Variants in SLC60A1 observed in about 807,000 individuals in gnomAD.
The protein encoded by SLC60A1 is major facilitator superfamily domain containing 4.
At chr1:205,584,975 T>G in the SLC60A1 span, 1 of 1,613,814 alleles carries the variant, frequency 6.2e-7, no homozygotes, top group Non-Finnish European at 8.5e-7. Context: ...GTACTGTTCA[T>G]GACGGATGGG....
At chr1:205,583,357 C>T in the SLC60A1 span, among the ~76,000 whole-genome samples, 2 of 152,194 alleles carry the variant, frequency 1.3e-5, no homozygotes, top group East Asian at 3.8e-4. Flanking sequence ...AGAAGAGCCT[C>T]TGTGCCCTGC....
At chr1:205,580,927 T>C in the SLC60A1 span, 4 of 1,612,496 alleles carry the variant, frequency 2.5e-6, no homozygotes, top group Non-Finnish European at 3.4e-6. This position sits in a 1 kb window ranked among gnomAD's most constrained non-coding sequence, Gnocchi z 5.0. Flanking sequence ...TCAATGTGAG[T>C]GTCCCTGGGG....
the SLC60A1 span, chr1:205,586,309 G>A: frequency 9.4e-5 from 130 of 1,384,936 alleles, no homozygotes; most frequent in Admixed American, 4.8e-4. Flanking sequence ...CATTCTGCCA[G>A]CAGGATGGGA....
At chr1:205,579,468 A>C in the SLC60A1 span, 20 of 565,298 alleles carry the variant, frequency 3.5e-5, no homozygotes, top group Non-Finnish European at 5.0e-5. Flanking sequence ...TTAAGTAAAC[A>C]ATTTAGGGTT....
At chr1:205,576,050 C>T in the SLC60A1 span, among the ~76,000 whole-genome samples, 4 of 152,192 alleles carry the variant, frequency 2.6e-5, no homozygotes, top group African/African-American at 9.7e-5. Context: ...GGACTCATGT[C>T]ATTGCTGCCA....
the SLC60A1 span, among the ~76,000 whole-genome samples, chr1:205,569,750 G>A: frequency 2.6e-5 from 4 of 152,084 alleles, no homozygotes; most frequent in Admixed American, 1.3e-4. Context: ...ACCGTGGGAG[G>A]GCCAGCTCTG....
the SLC60A1 span, among the ~76,000 whole-genome samples, chr1:205,590,401 CTT>C: frequency 6.6e-6 from 1 of 152,224 alleles, no homozygotes; most frequent in Admixed American, 6.5e-5. Context: ...TGAAAGAAGT[CTT>C]TTGTCTTTCC....
At chr1:205,601,869 C>CA in the SLC60A1 span, 2 of 152,366 alleles carry the variant, frequency 1.3e-5, no homozygotes, top group East Asian at 1.9e-4. Context: ...AGGCGTGAGC[C>CA]ACTGCACCCA....
the SLC60A1 span, among the ~76,000 whole-genome samples, chr1:205,583,339 A>G: frequency 6.6e-6 from 1 of 152,208 alleles, no homozygotes. Context: ...TTTGTTTTCA[A>G]GCCCCTGAGA....
the SLC60A1 span, among the ~76,000 whole-genome samples, chr1:205,570,460 C>T: frequency 2.0e-5 from 3 of 152,234 alleles, no homozygotes; most frequent in Non-Finnish European, 4.4e-5. Context: ...TTTGGCTTAA[C>T]GCCTACAGGT....
the SLC60A1 span, among the ~76,000 whole-genome samples, chr1:205,570,631 CTCT>C: frequency 6.6e-6 from 1 of 152,324 alleles, no homozygotes; most frequent in East Asian, 1.9e-4. Context: ...CCAAATTATT[CTCT>C]TCTTAAAAAG....
the SLC60A1 span, among the ~76,000 whole-genome samples, chr1:205,578,247 C>T: frequency 1.3e-5 from 2 of 152,182 alleles, no homozygotes; most frequent in Non-Finnish European, 2.9e-5. Flanking sequence ...ACAGGGGACT[C>T]TCTGGCTATC....
the SLC60A1 span, among the ~76,000 whole-genome samples, chr1:205,577,488 G>A: frequency 5.9e-5 from 9 of 152,208 alleles, no homozygotes; most frequent in Non-Finnish European, 1.3e-4. The surrounding 1 kb of genome is among the most constrained non-coding windows in gnomAD (Gnocchi z 5.2). Flanking sequence ...TGATGCTCGC[G>A]AGCATGTGGA....
At chr1:205,599,585 G>A in the SLC60A1 span, among the ~76,000 whole-genome samples, 3 of 152,170 alleles carry the variant, frequency 2.0e-5, no homozygotes, top group African/African-American at 7.2e-5. Flanking sequence ...CCTGTTCAGG[G>A]AACTGAAAGG....
At chr1:205,578,097 A>G in the SLC60A1 span, among the ~76,000 whole-genome samples, 4 of 152,238 alleles carry the variant, frequency 2.6e-5, no homozygotes, top group African/African-American at 9.6e-5. Context: ...ATTGAAAGAC[A>G]ATAATGATAA....
chr1:205,589,347 G>C, the SLC60A1 span, among the ~76,000 whole-genome samples: 1 of 152,166 alleles, frequency 6.6e-6, no homozygotes, highest in Non-Finnish European at 1.5e-5. Flanking sequence ...TAGGCAGGGT[G>C]GGGGATCGGG....
chr1:205,576,175 G>A, the SLC60A1 span, among the ~76,000 whole-genome samples: 260 of 152,302 alleles, frequency 1.7e-3, 1 homozygote, highest in African/African-American at 6.0e-3. Context: ...TCACCCCAAA[G>A]GGCACTGCAG....
the SLC60A1 span, chr1:205,584,816 C>G: frequency 6.7e-7 from 1 of 1,482,974 alleles, no homozygotes; most frequent in South Asian, 1.1e-5. Context: ...GGCCCTGGGA[C>G]ATGCAGAGGG....
the SLC60A1 span, chr1:205,600,386 G>C: frequency 6.2e-7 from 1 of 1,613,222 alleles, no homozygotes. Context: ...CATGCTACCT[G>C]TTTTGTTTTT....
Sources: allele counts gnomAD v4.1 joint callset (sites outside exome capture counted in the v4.1 genomes callset), GRCh38; gene constraint gnomAD v4.1.1; non-coding constraint Gnocchi (gnomAD v3.1); transcripts MANE v1.5; gene names NCBI Gene and HGNC (gene_info 2026-07-23, HGNC 2026-07-21).